Variants in SGCZ observed in about 807,000 individuals in gnomAD.
The protein encoded by SGCZ is sarcoglycan zeta.
In SGCZ, 40 loss-of-function variants were observed where a neutral mutation model predicts 41.3. That is an observed-to-expected ratio of 0.97 (90% CI 0.75 to 1.26). The LOEUF (loss-of-function observed/expected upper bound fraction) is 1.26, where lower values mean the gene tolerates loss of function less well. Among genes scored for constraint, SGCZ ranks in the 50% most tolerant of loss-of-function variants. The pLI, the probability that SGCZ is intolerant of heterozygous loss-of-function variation, is 0.00. For synonymous variants in SGCZ, 206 were observed against 137.5 expected (o/e 1.50, Z -3.49); for missense variants, 552 against 369.8 (o/e 1.49, Z -4.04).
At chr8:14,311,143 A>T (rs2116998578) in intron 3 of SGCZ, among the ~76,000 whole-genome samples, 1 of 152,280 alleles carries the variant, frequency 6.6e-6, no homozygotes, top group South Asian at 2.1e-4. Flanking sequence ...AGCCCGATTC[A>T]AATTTGTCCA....
chr8:15,071,932 G>A (rs1805365883), intron 1 of SGCZ, among the ~76,000 whole-genome samples: 1 of 152,180 alleles, frequency 6.6e-6, no homozygotes, highest in Non-Finnish European at 1.5e-5. Context: ...GTCAGAGGCA[G>A]ACAACTTCTT....
rs1418785185 is a variant in SGCZ at position 14,827,175 on chromosome 8, A to G, written c.40-272249T>C. On this transcript the variant is annotated intron_variant, in intron 1 of 7. Transcript: ENST00000382080. ...CAAGAATGGAAGTTTCAAAAAAAAAACAGACTCCAATGTGCCAAGGATTGT... is the reference window on the plus strand; with the variant it reads ...CAAGAATGGAAGTTTCAAAAAAAAAGCAGACTCCAATGTGCCAAGGATTGT... Among the ~76,000 whole-genome samples, 8 of 151,230 alleles carry G rather than the reference A, an allele frequency of 5.3e-5. No individual in the cohort carries two copies. The East Asian group carries it at 1.6e-3, about 30-fold the overall frequency.
intron 5 of SGCZ, among the ~76,000 whole-genome samples, chr8:14,117,492 G>C (rs951125458): frequency 6.6e-6 from 1 of 151,416 alleles, no homozygotes; most frequent in Non-Finnish European, 1.5e-5. Flanking sequence ...GTGTGTGTGT[G>C]TGTGTATGTG....
At chr8:14,391,018 A>G (rs1481780442) in intron 2 of SGCZ, among the ~76,000 whole-genome samples, 5 of 152,116 alleles carry the variant, frequency 3.3e-5, no homozygotes, top group Non-Finnish European at 5.9e-5. Context: ...ACCTACTTCC[A>G]GATTCAGAAA....
chr8:15,147,699 G>T (rs923391474), intron 1 of SGCZ, among the ~76,000 whole-genome samples: 1 of 152,220 alleles, frequency 6.6e-6, no homozygotes, highest in Non-Finnish European at 1.5e-5. Flanking sequence ...AGCCAGATAA[G>T]ACTGAGAGGA....
At chr8:15,189,274 C>A (rs1300192038) in intron 1 of SGCZ, among the ~76,000 whole-genome samples, 3 of 152,252 alleles carry the variant, frequency 2.0e-5, no homozygotes, top group South Asian at 2.1e-4. Context: ...AAGAGTTTGA[C>A]CAAGGTCTAC....
In SGCZ at chr8:14,464,315, C is replaced by A. The variant is rs1470127445; in HGVS notation, c.234+90417G>T. On this transcript the variant is annotated intron_variant, in intron 2 of 7. Coordinates refer to ENST00000382080, the MANE Select transcript of SGCZ (RefSeq NM_139167.4). ...TCTTCTTATCAGTTATAGGTCTATTCAAATTTTCTATTTCTTTGTGATTTT... is the reference window on the plus strand; with the variant it reads ...TCTTCTTATCAGTTATAGGTCTATTAAAATTTTCTATTTCTTTGTGATTTT... 2.6e-5 allele frequency among the ~76,000 whole-genome samples: 4 copies of A among 151,260 alleles called. No homozygotes were observed. The East Asian group carries it at 5.8e-4, about 22-fold the overall frequency.
chr8:15,129,708 A>AAAAAAC (rs72449410), intron 1 of SGCZ, among the ~76,000 whole-genome samples: 22 of 8,886 alleles, frequency 2.5e-3, no homozygotes, highest in Non-Finnish European at 4.5e-3. Context: ...AAGCATTTGC[A>AAAAAAC]AAAAAAAAAA....
intron 2 of SGCZ, among the ~76,000 whole-genome samples, chr8:14,379,903 T>C (rs1251888334): frequency 1.3e-5 from 2 of 152,032 alleles, no homozygotes; most frequent in Admixed American, 1.3e-4. Context: ...GCCTACTTTT[T>C]GTATTTTTAC....
At chr8:14,656,401 TTCC>T (rs1807572527) in intron 1 of SGCZ, among the ~76,000 whole-genome samples, 1 of 133,298 alleles carries the variant, frequency 7.5e-6, no homozygotes, top group African/African-American at 2.6e-5. Flanking sequence ...CCCTTTCTCT[TTCC>T]TCCTCTCCTC....
chr8:15,049,003 T>C (rs1304311215), intron 1 of SGCZ, among the ~76,000 whole-genome samples: 1 of 152,150 alleles, frequency 6.6e-6, no homozygotes, highest in African/African-American at 2.4e-5. Context: ...TTCTAAGTTT[T>C]CCTCAAAAGA....
chr8:14,659,400 T>C (rs1348840159), intron 1 of SGCZ, among the ~76,000 whole-genome samples: 2 of 152,194 alleles, frequency 1.3e-5, no homozygotes, highest in Non-Finnish European at 2.9e-5. Flanking sequence ...AATTAATTGA[T>C]AAAAATATTG....
chr8:14,981,192 C>T (rs961956828), intron 1 of SGCZ, among the ~76,000 whole-genome samples: 1 of 152,188 alleles, frequency 6.6e-6, no homozygotes, highest in African/African-American at 2.4e-5. Context: ...TAAATTTCCC[C>T]TCAGCCACTC....
At chr8:14,093,305 C>A (rs1801744910) in intron 7 of SGCZ, among the ~76,000 whole-genome samples, 1 of 152,004 alleles carries the variant, frequency 6.6e-6, no homozygotes, top group South Asian at 2.1e-4. Context: ...TTTACATATT[C>A]CTAGAGTGAA....
intron 2 of SGCZ, among the ~76,000 whole-genome samples, chr8:14,419,580 T>C (rs970457395): frequency 6.6e-6 from 1 of 151,970 alleles, no homozygotes; most frequent in Admixed American, 6.6e-5. Context: ...TTTATATCTA[T>C]CCTTGCTGAC....
chr8:14,905,147 G>T (rs182905581), intron 1 of SGCZ, among the ~76,000 whole-genome samples: 1 of 151,946 alleles, frequency 6.6e-6, no homozygotes, highest in South Asian at 2.1e-4. Flanking sequence ...ATATACTTCT[G>T]TTTATCAATG....
chr8:14,376,375 AAC>A (rs1359379796), intron 2 of SGCZ, among the ~76,000 whole-genome samples: 1 of 152,200 alleles, frequency 6.6e-6, no homozygotes, highest in Non-Finnish European at 1.5e-5. Context: ...CTATTGTAAC[AAC>A]ACAAACATAC....
At chr8:14,448,403 C>T (rs1251599551) in intron 2 of SGCZ, among the ~76,000 whole-genome samples, 1 of 152,112 alleles carries the variant, frequency 6.6e-6, no homozygotes, top group Non-Finnish European at 1.5e-5. Context: ...CCTCATGCAC[C>T]AGTTAGATAA....
chr8:14,243,514 C>T (rs7822826), intron 3 of SGCZ, among the ~76,000 whole-genome samples: 101,346 of 152,028 alleles, frequency 0.67, 34,143 homozygotes, highest in South Asian at 0.79. Context: ...CTGATTGATT[C>T]CTAACTCTCA....
Sources: allele counts gnomAD v4.1 joint callset (sites outside exome capture counted in the v4.1 genomes callset), GRCh38; gene constraint gnomAD v4.1.1; transcripts MANE v1.5; gene names NCBI Gene and HGNC (gene_info 2026-07-23, HGNC 2026-07-21).